Variants in ROPN1 observed in about 807,000 individuals in gnomAD.
ROPN1 encodes ropporin-1A.
In ROPN1, 14 loss-of-function variants were observed where a neutral mutation model predicts 20.5. The observed-to-expected ratio is 0.68, with a 90% CI of 0.45 to 1.07. The LOEUF (loss-of-function observed/expected upper bound fraction) is 1.07, where lower values mean the gene tolerates loss of function less well. ROPN1 is among the 50% of genes least tolerant of loss of function. ROPN1 has a pLI of 0.00. For synonymous variants in ROPN1, 76 were observed against 95.7 expected (o/e 0.79, Z 1.20); for missense variants, 169 against 242.8 (o/e 0.70, Z 2.02).
chr3:123,983,331 G>T (rs1357761354), intron 1 of ROPN1, among the ~76,000 whole-genome samples: 3 of 151,242 alleles, frequency 2.0e-5, no homozygotes, highest in Non-Finnish European at 2.9e-5. Flanking sequence ...TTAATTTTTT[G>T]AGGAACTGCC....
chr3:123,983,189 C>A (rs1216886562), intron 1 of ROPN1, among the ~76,000 whole-genome samples: 1 of 152,172 alleles, frequency 6.6e-6, no homozygotes, highest in Non-Finnish European at 1.5e-5. Flanking sequence ...CGGATCATTT[C>A]CACATTTTAG....
At chr3:123,990,618 T>G (rs75028281) in intron 1 of ROPN1, among the ~76,000 whole-genome samples, 3 of 152,380 alleles carry the variant, frequency 2.0e-5, no homozygotes, top group Non-Finnish European at 4.4e-5. Flanking sequence ...GAAAGGTCCA[T>G]TCTATCTTAA....
intron 3 of ROPN1, among the ~76,000 whole-genome samples, chr3:123,976,651 G>A (rs1286147619): frequency 3.9e-5 from 6 of 152,192 alleles, no homozygotes; most frequent in Non-Finnish European, 4.4e-5. Context: ...AAGGAAATCT[G>A]GGATGACCCC....
intron 4 of ROPN1, among the ~76,000 whole-genome samples, chr3:123,974,304 A>T (rs1354946224): frequency 9.2e-5 from 14 of 152,174 alleles, no homozygotes; most frequent in Non-Finnish European, 2.1e-4. Flanking sequence ...CCCAGTCCTG[A>T]CTGACAACTC....
chr3:123,970,243 GAA>G, intron 4 of ROPN1, 26 bp from the exon 5 acceptor site: 1 of 1,593,268 alleles, frequency 6.3e-7, no homozygotes, highest in Admixed American at 1.7e-5. Flanking sequence ...AAAATGAGGA[GAA>G]AGTTACTCTT....
rs112968417 is a variant in ROPN1, at chr3:123,977,070, A to G, written c.117-89T>C. Reference sequence around the variant, plus strand: ...CAATCCTTCCACCTTCTTCTGAGGGAAGGAGGTAGAGAAAGGAACCTTTGT... The same window carrying G: ...CAATCCTTCCACCTTCTTCTGAGGGGAGGAGGTAGAGAAAGGAACCTTTGT... On this transcript the variant is annotated intron_variant, in intron 2 of 5. Coordinates refer to ENST00000405845, the MANE Select transcript of ROPN1 (RefSeq NM_001317774.2). 0.037 allele frequency: 51,205 copies of G among 1,370,270 alleles called. 6,277 individuals are homozygous for G. In the East Asian group the frequency reaches 0.41, roughly 11 times the overall value. 84.9% of individuals were successfully genotyped at this position (1,370,270 alleles called of 1,614,324 possible).
intron 2 of ROPN1, among the ~76,000 whole-genome samples, chr3:123,977,687 G>C (rs1254324177): frequency 2.6e-5 from 4 of 152,228 alleles, no homozygotes; most frequent in African/African-American, 7.2e-5. Context: ...GCTCAGGAGA[G>C]AAGAGAAGCC....
At chr3:123,988,928 A>G (rs908513626) in intron 1 of ROPN1, among the ~76,000 whole-genome samples, 2 of 151,846 alleles carry the variant, frequency 1.3e-5, no homozygotes, top group Admixed American at 6.6e-5. Context: ...AACAGAAGAA[A>G]AACTCTTGGA....
intron 4 of ROPN1, among the ~76,000 whole-genome samples, chr3:123,973,356 A>G (rs1300723798): frequency 6.6e-6 from 1 of 152,162 alleles, no homozygotes; most frequent in Non-Finnish European, 1.5e-5. Context: ...AAAGTCAGAT[A>G]TGTCAAGGCC....
chr3:123,969,305 A>G (rs2037866511), intron 5 of ROPN1, 84 bp from the exon 6 acceptor site: 2 of 1,110,322 alleles, frequency 1.8e-6, no homozygotes, highest in Non-Finnish European at 1.4e-6. Flanking sequence ...CTCATTTCAC[A>G]TTAATTCTGC....
chr3:123,987,423 G>A (rs577597899), intron 1 of ROPN1, among the ~76,000 whole-genome samples: 1 of 152,316 alleles, frequency 6.6e-6, no homozygotes, highest in Non-Finnish European at 1.5e-5. Flanking sequence ...AAGCACTCCA[G>A]TCATCTCAGT....
At chr3:123,991,642 G>T (rs1286643598) in intron 1 of ROPN1, among the ~76,000 whole-genome samples, 1 of 38,020 alleles carries the variant, frequency 2.6e-5, no homozygotes. Context: ...CCTCGGTGGA[G>T]GGCTCTGATT....
intron 1 of ROPN1, among the ~76,000 whole-genome samples, chr3:123,991,666 C>T (rs2038412659): frequency 1.2e-5 from 1 of 80,274 alleles, no homozygotes; most frequent in African/African-American, 4.4e-5. Flanking sequence ...AACTCTTGAG[C>T]CTCCCAACCA....
At position 123,972,399 on chromosome 3, in the gene ROPN1, T is replaced by C. The variant is rs532782534; in HGVS notation, c.397-2182A>G. Among the ~76,000 whole-genome samples, 5 of 152,372 alleles carry C rather than the reference T, an allele frequency of 3.3e-5. No homozygotes were observed. In the East Asian group the frequency reaches 9.6e-4, roughly 29 times the overall value. On this transcript the variant is annotated intron_variant, in intron 4 of 5. Coordinates refer to ENST00000405845, the MANE Select transcript of ROPN1 (RefSeq NM_001317774.2). Reference sequence around the variant, plus strand: ...TCACAGACATAATCTTTAAGCATCTTGCGAGCTTCATTTTCAAAGTTAGAG... The same window carrying C: ...TCACAGACATAATCTTTAAGCATCTCGCGAGCTTCATTTTCAAAGTTAGAG...
intron 1 of ROPN1, among the ~76,000 whole-genome samples, chr3:123,982,989 G>A (rs1015769112): frequency 5.3e-5 from 8 of 152,010 alleles, no homozygotes; most frequent in African/African-American, 1.2e-4. Context: ...GGTTTATTTC[G>A]CTTAGCACAA....
intron 2 of ROPN1, among the ~76,000 whole-genome samples, chr3:123,978,017 C>T (rs1403195129): frequency 1.3e-5 from 2 of 152,156 alleles, no homozygotes; most frequent in East Asian, 1.9e-4. Context: ...CTGCTTTTTT[C>T]CCTCCATTAC....
intron 4 of ROPN1, chr3:123,975,027 G>A (rs557843173): frequency 5.3e-6 from 2 of 374,088 alleles, no homozygotes; most frequent in African/African-American, 4.2e-5. Context: ...TATATTCTAG[G>A]TGTCTGGAAG....
intron 4 of ROPN1, among the ~76,000 whole-genome samples, chr3:123,973,939 A>G (rs2037964438): frequency 6.6e-6 from 1 of 152,188 alleles, no homozygotes; most frequent in Admixed American, 6.5e-5. Context: ...GATGTGAGAA[A>G]CCCTTCACTT....
chr3:123,974,683 C>G (rs191837071), intron 4 of ROPN1: 2 of 152,462 alleles, frequency 1.3e-5, no homozygotes, highest in African/African-American at 4.8e-5. Flanking sequence ...TAAAAAAACA[C>G]GTTTTTGATT....
Sources: gnomAD v4.1 joint callset for allele counts (sites outside exome capture counted in the v4.1 genomes callset) on GRCh38, gnomAD v4.1.1 for gene constraint, MANE v1.5 for transcripts, NCBI Gene and HGNC (gene_info 2026-07-23, HGNC 2026-07-21) for gene names.